CDH4: variants seen among roughly 807,000 people sequenced by gnomAD.
The protein encoded by CDH4 is cadherin 4, also known as cadherin-4.
Under a neutral mutation model 86.0 loss-of-function variants are expected in CDH4, and 33 were observed. The observed-to-expected ratio is 0.38, with a 90% CI of 0.29 to 0.51. CDH4 has a LOEUF of 0.51. CDH4 is among the 20% of genes least tolerant of loss of function. The pLI is 0.86. For synonymous variants in CDH4, 555 were observed against 549.4 expected (o/e 1.01, Z -0.14); for missense variants, 1,114 against 1,307.4 (o/e 0.85, Z 2.28).
At chr20:61,904,709 C>T (rs1465921755) in intron 8 of CDH4, among the ~76,000 whole-genome samples, 2 of 152,222 alleles carry the variant, frequency 1.3e-5, no homozygotes, top group Non-Finnish European at 2.9e-5. Flanking sequence ...CTGTGGGGAA[C>T]AGAACTTCCC....
At chr20:61,278,113 C>A (rs928813987) in intron 2 of CDH4, among the ~76,000 whole-genome samples, 1 of 152,186 alleles carries the variant, frequency 6.6e-6, no homozygotes, top group African/African-American at 2.4e-5. Flanking sequence ...GGTCAGGGGG[C>A]CAAGGAGCCC....
chr20:61,414,178 G>A (rs1317044040), intron 2 of CDH4, among the ~76,000 whole-genome samples: 1 of 152,238 alleles, frequency 6.6e-6, no homozygotes, highest in Non-Finnish European at 1.5e-5. Flanking sequence ...TGGGGGTTAA[G>A]ACTCAGCATA....
Position 61,341,613 on chromosome 20 carries a change from T to C in CDH4, c.169+86676T>C, listed in dbSNP as rs544249182. ...CCTTGAAAACTGGTAAATGAGAAGA[T>C]TGGAGAATAACATTATTCCAAAGCA... On this transcript the variant is annotated intron_variant, in intron 2 of 15. Coordinates refer to ENST00000614565, the MANE Select transcript of CDH4 (RefSeq NM_001794.5). Among the ~76,000 whole-genome samples the C allele has an allele frequency of 4.0e-5, 6 of 151,862 alleles. No homozygotes were observed. In the South Asian group the frequency reaches 1.2e-3, roughly 32 times the overall value.
chr20:61,609,883 A>C (rs1048912851), intron 2 of CDH4, among the ~76,000 whole-genome samples: 1 of 152,134 alleles, frequency 6.6e-6, no homozygotes, highest in African/African-American at 2.4e-5. Flanking sequence ...TGTCAGTTGT[A>C]CATATTTTGG....
At chr20:61,674,663 C>T (rs1228626567) in intron 2 of CDH4, among the ~76,000 whole-genome samples, 1 of 152,210 alleles carries the variant, frequency 6.6e-6, no homozygotes, top group African/African-American at 2.4e-5. Flanking sequence ...TTATTTAACC[C>T]AATATATCCA....
At chr20:61,931,520 C>T (rs2055109475) in intron 13 of CDH4, among the ~76,000 whole-genome samples, 1 of 152,236 alleles carries the variant, frequency 6.6e-6, no homozygotes. Context: ...CGCCGCCCCT[C>T]TCGCCTCCGG....
At chr20:61,680,219 G>GAGCCCTGC (rs1389309775) in intron 2 of CDH4, among the ~76,000 whole-genome samples, 1 of 152,214 alleles carries the variant, frequency 6.6e-6, no homozygotes, top group South Asian at 2.1e-4. Flanking sequence ...TCCTCCACAG[G>GAGCCCTGC]AGCCCTGCAG....
chr20:61,807,802 C>T lies in CDH4; in HGVS notation c.576+34620C>T, dbSNP rs1378833067. Among the ~76,000 whole-genome samples the T allele has an allele frequency of 2.6e-5, 4 of 152,200 alleles. No individual in the cohort carries two copies. The highest frequency in any genetic ancestry group is 6.5e-5 in the Admixed American group (1 of 15,286). On this transcript the variant is annotated intron_variant, in intron 4 of 15. Transcript: ENST00000614565. The surrounding 1 kb of genome is among the most constrained non-coding windows in gnomAD (Gnocchi z 4.5). ...AAATATAGGAAGGGAAGTGATAGGA[C>T]GTCTCTGCACACAGCACATATCCAT...
intron 2 of CDH4, among the ~76,000 whole-genome samples, chr20:61,646,703 T>C (rs2087065293): frequency 1.3e-5 from 2 of 152,244 alleles, no homozygotes; most frequent in African/African-American, 4.8e-5. Context: ...GCTGCTCGCC[T>C]GCCTCCCTGA....
chr20:61,847,999 C>T (rs1490418342), intron 5 of CDH4, among the ~76,000 whole-genome samples: 5 of 152,360 alleles, frequency 3.3e-5, no homozygotes, highest in Middle Eastern at 3.4e-3. Context: ...ATCCAAACCA[C>T]GCCACACACC....
chr20:61,832,056 A>G (rs1981644992), intron 4 of CDH4, among the ~76,000 whole-genome samples: 1 of 152,192 alleles, frequency 6.6e-6, no homozygotes, highest in Non-Finnish European at 1.5e-5. Context: ...GCTGCTGCCA[A>G]CCCAGGCCTG....
In CDH4 at chr20:61,923,656, C is replaced by T. The variant is rs755112377; in HGVS notation, c.1580C>T (p.Thr527Ile). The change falls in exon 10 of 16, where the codon ACC becomes ATC. Residue 527 changes from threonine to isoleucine, a missense_variant. Physicochemically the swap from Thr to Ile is moderately conservative, Grantham distance 89. Around this residue, in one of 3 missense-constraint regions of CDH4, gnomAD observed 705 missense variants for 914.1 expected, o/e 0.77. Coordinates refer to ENST00000614565, the MANE Select transcript of CDH4 (RefSeq NM_001794.5). ...EEGVPPGTVL[T>I]TFSAVDPDRF... ...GGCGTGCCCCCCGGCACCGTGCTGA[C>T]CACGTTTTCAGCTGTGGACCCTGAC... is the stretch of plus-strand genomic sequence containing the variant. 4 of 1,614,066 alleles carry T rather than the reference C, an allele frequency of 2.5e-6. No individual in the cohort carries two copies. In the East Asian group the frequency reaches 6.7e-5, roughly 27 times the overall value.
intron 2 of CDH4, among the ~76,000 whole-genome samples, chr20:61,405,123 G>A (rs1376907891): frequency 1.3e-5 from 2 of 152,078 alleles, no homozygotes; most frequent in African/African-American, 4.8e-5. Context: ...GGCTGATTTT[G>A]TTTCGGGGTC....
intron 2 of CDH4, among the ~76,000 whole-genome samples, chr20:61,513,104 G>A (rs916320628): frequency 2.0e-5 from 3 of 152,170 alleles, no homozygotes; most frequent in Non-Finnish European, 4.4e-5. Context: ...TGTCCTACAG[G>A]TAGGCCGTCC....
At chr20:61,789,962 TTTA>T (rs1473968280) in intron 4 of CDH4, among the ~76,000 whole-genome samples, 2 of 152,232 alleles carry the variant, frequency 1.3e-5, no homozygotes, top group Non-Finnish European at 2.9e-5. Context: ...GTTGACATAA[TTTA>T]TTGTGTTCAG....
intron 2 of CDH4, among the ~76,000 whole-genome samples, chr20:61,589,265 A>G (rs977319192): frequency 6.6e-6 from 1 of 152,222 alleles, no homozygotes; most frequent in East Asian, 1.9e-4. Context: ...CATTTGTTTA[A>G]AAAACACGAG....
At chr20:61,512,139 C>A (rs191458745) in intron 2 of CDH4, among the ~76,000 whole-genome samples, 1 of 152,088 alleles carries the variant, frequency 6.6e-6, no homozygotes, top group South Asian at 2.1e-4. Context: ...TAAACTGGGG[C>A]GAGGCTCCTG....
intron 2 of CDH4, among the ~76,000 whole-genome samples, chr20:61,621,800 A>G (rs953517643): frequency 6.6e-6 from 1 of 152,232 alleles, no homozygotes; most frequent in Non-Finnish European, 1.5e-5. Flanking sequence ...TGTTAATTTT[A>G]TATTTTACTT....
intron 2 of CDH4, among the ~76,000 whole-genome samples, chr20:61,489,448 G>A (rs924731793): frequency 6.6e-6 from 1 of 152,218 alleles, no homozygotes; most frequent in Non-Finnish European, 1.5e-5. Flanking sequence ...AGATGCAAGA[G>A]AATGTTCAAA....
Sources: gnomAD v4.1 joint callset for allele counts (sites outside exome capture counted in the v4.1 genomes callset) on GRCh38, gnomAD v4.1.1 for gene constraint, gnomAD v4.1.1 regional missense constraint, Gnocchi (gnomAD v3.1) non-coding constraint, MANE v1.5 for transcripts, NCBI Gene and HGNC (gene_info 2026-07-23, HGNC 2026-07-21) for gene names.